The following SLC38A2 variants were observed in gnomAD, a reference collection of about 807,000 sequenced individuals.
SLC38A2 encodes solute carrier family 38 member 2, also known as sodium-coupled neutral amino acid symporter 2.
Under a neutral mutation model 61.5 loss-of-function variants are expected in SLC38A2, and 11 were observed. The observed-to-expected ratio is 0.18, with a 90% CI of 0.11 to 0.30. The LOEUF (loss-of-function observed/expected upper bound fraction) is 0.30, where lower values mean the gene tolerates loss of function less well. SLC38A2 is among the 10% of genes least tolerant of loss of function. SLC38A2 has a pLI of 1.00. For missense variants in SLC38A2, 522 were observed against 600.4 expected (o/e 0.87, Z 1.36); for synonymous variants, 217 against 212.5 (o/e 1.02, Z -0.18).
At chr12:46,365,241 T>C (rs765962613) in intron 7 of SLC38A2, 52 bp from the exon 8 acceptor site, 3 of 1,337,700 alleles carry the variant, frequency 2.2e-6, no homozygotes, top group Non-Finnish European at 3.2e-6. Flanking sequence ...CTCTGAAAAA[T>C]ATACACATCT....
chr12:46,362,301 A>T lies in SLC38A2; in HGVS notation c.1405T>A (p.Ser469Thr). 6.2e-7 allele frequency: 1 copy of T among 1,610,656 alleles called. No individual in the cohort carries two copies. Among genetic ancestry groups the T allele is most frequent in the Non-Finnish European group, 8.5e-7 (1 of 1,178,472 alleles). ...TCACTCACCCCAATCTTTTGTACAG[A>T]TTTCATAGGTTCTTTCTTCACCAAC... ...IKLVKKEPMK[S>T]VQKIGALFFL... The change falls in exon 15 of 16, where the codon TCT becomes ACT. Residue 469 changes from serine to threonine, a missense_variant. Ser to Thr is a moderately conservative substitution (Grantham distance 58). Around this residue, in one of 3 missense-constraint regions of SLC38A2, gnomAD observed 309 missense variants for 343.9 expected, o/e 0.90. Transcript: ENST00000256689.
At position 46,372,682 on chromosome 12, in the gene SLC38A2, A is replaced by G; in HGVS notation, c.-260T>C. 2.5e-6 allele frequency: 1 copy of G among 398,542 alleles called. No individual in the cohort carries two copies. The highest frequency in any genetic ancestry group is 3.6e-5 in the East Asian group (1 of 28,074). 24.7% of individuals were successfully genotyped at this position (398,542 alleles called of 1,614,324 possible). ...CCAATCCTCCGGCGTCCGCCGTGTC[A>G]AGGGAAAGGCGCGAGCGTGCGGTAA... On this transcript the variant is annotated 5_prime_UTR_variant, in exon 1 of 16. Coordinates refer to ENST00000256689, the MANE Select transcript of SLC38A2 (RefSeq NM_018976.5).
chr12:46,358,750 T>C lies in SLC38A2; in HGVS notation c.*2361A>G, dbSNP rs561857721. 1 of 152,652 alleles carries C rather than the reference T, an allele frequency of 6.6e-6. No homozygotes were observed. The highest frequency in any genetic ancestry group is 2.4e-5 in the African/African-American group (1 of 41,564). 9.5% of individuals were successfully genotyped at this position (152,652 alleles called of 1,614,324 possible). On this transcript the variant is annotated 3_prime_UTR_variant, in exon 16 of 16. Coordinates refer to ENST00000256689, the MANE Select transcript of SLC38A2 (RefSeq NM_018976.5). Reference sequence around the variant, plus strand: ...GACAATATATGTACATAGATTATCATAAATATTGAAAAATAGGTTAGCTTT... The same window carrying C: ...GACAATATATGTACATAGATTATCACAAATATTGAAAAATAGGTTAGCTTT...
At position 46,366,922 on chromosome 12, in the gene SLC38A2, C is replaced by T. The variant is rs758389239; in HGVS notation, c.505G>A (p.Val169Met). 2.5e-6 allele frequency: 4 copies of T among 1,613,734 alleles called. No individual in the cohort carries two copies. Residue 169 changes from valine to methionine, a missense_variant, in exon 7 of 16, where the codon GTG becomes ATG. Physicochemically the swap from Val to Met is conservative, Grantham distance 21. Coordinates refer to ENST00000256689, the MANE Select transcript of SLC38A2 (RefSeq NM_018976.5). ...ATCACCAAAGGCAACTCATATTTCA[C>T]TATGAAGAGGTAGCTTGACATAGCT... ...IGAMSSYLFIVKYELPLVIQA... is the reference protein window; with the variant it reads ...IGAMSSYLFIMKYELPLVIQA...
chr12:46,371,592 G>A (rs962397229), intron 1 of SLC38A2: 1 of 359,520 alleles, frequency 2.8e-6, no homozygotes, highest in Non-Finnish European at 5.0e-6. Context: ...CTGTGTTGCG[G>A]CCGTCGAGGC....
chr12:46,370,381 T>C, intron 4 of SLC38A2, 131 bp downstream of exon 4: 1 of 681,568 alleles, frequency 1.5e-6, no homozygotes. Context: ...TTGGGGTTTC[T>C]CATACTTTTA....
chr12:46,365,291 A>G, intron 7 of SLC38A2, 102 bp from the exon 8 acceptor site: 1 of 948,412 alleles, frequency 1.1e-6, no homozygotes, highest in Non-Finnish European at 1.7e-6. Context: ...ATGAAAACAA[A>G]CACACAAAAA....
intron 7 of SLC38A2, among the ~76,000 whole-genome samples, chr12:46,365,801 A>G (rs547332028): frequency 6.6e-6 from 1 of 152,244 alleles, no homozygotes; most frequent in South Asian, 2.1e-4. Flanking sequence ...AACTCCAAAG[A>G]CAGCCAAAAA....
chr12:46,371,246 G>C lies in SLC38A2; in HGVS notation c.48C>G (p.Asp16Glu), dbSNP rs751837440. ...CGCTGTTGGAACTGTAGCTGCTGCT[G>C]TCTTCATCCGGGGAAATACTGAATC... is the stretch of plus-strand genomic sequence containing the variant. The part of the protein sequence containing the change: ...MGRFSISPDE[D>E]SSSYSSNSDF... The change falls in exon 2 of 16, where the codon GAC becomes GAG. Residue 16 changes from aspartate (D) to glutamate (E), a missense_variant. Physicochemically the swap from Asp to Glu is conservative, Grantham distance 45 (BLOSUM62 2). Transcript: ENST00000256689. 2.5e-6 allele frequency: 4 copies of C among 1,614,238 alleles called. No homozygotes were observed. The highest frequency in any genetic ancestry group is 2.5e-6 in the Non-Finnish European group (3 of 1,180,036).
intron 15 of SLC38A2, 168 bp downstream of exon 15, chr12:46,362,116 C>A (rs1190474612): frequency 7.0e-5 from 39 of 559,342 alleles, no homozygotes; most frequent in Non-Finnish European, 3.7e-5. Context: ...AACTATCTTT[C>A]CCCTTCCCTC....
chr12:46,364,489 T>C lies in SLC38A2; in HGVS notation c.773A>G (p.Asn258Ser). 1 of 1,612,798 alleles carries C rather than the reference T, an allele frequency of 6.2e-7. No homozygotes were observed. The highest frequency in any genetic ancestry group is 1.7e-5 in the Admixed American group (1 of 59,846). ...EAALIINETI[N>S]TTLTQPTALV... ...AGCTGTTGGCTGTGTTAAGGTGGTG[T>C]TTATTGTTTCGTTAATTATCAAAGC... The change falls in exon 10 of 16, where the codon AAC becomes AGC. Residue 258 changes from asparagine (N) to serine (S), a missense_variant. Asn to Ser is a conservative substitution (Grantham distance 46). Around this residue, in one of 3 missense-constraint regions of SLC38A2, gnomAD observed 309 missense variants for 343.9 expected, o/e 0.90. Coordinates refer to ENST00000256689, the MANE Select transcript of SLC38A2 (RefSeq NM_018976.5).
rs1279049674 is a variant in SLC38A2, at chr12:46,371,225, G to C, written c.69C>G (p.Asn23Lys). The C allele has an allele frequency of 1.9e-6, 3 of 1,614,246 alleles. No individual in the cohort carries two copies. Among genetic ancestry groups the C allele is most frequent in the East Asian group, 4.5e-5 (2 of 44,886 alleles). Residue 23 changes from asparagine to lysine, a missense_variant, in exon 2 of 16, where the codon AAC (asparagine) becomes AAG (lysine). Transcript: ENST00000256689. ...TGGGGTAGGAGTAGTTGAAGTCGCT[G>C]TTGGAACTGTAGCTGCTGCTGTCTT... ...PDEDSSSYSSNSDFNYSYPTK... is the reference protein window; with the variant it reads ...PDEDSSSYSSKSDFNYSYPTK...
chr12:46,370,768 T>A lies in SLC38A2; in HGVS notation c.198+8A>T. ...CCACTGACAGACAAATTACTATTTT[T>A]AACTTACAAATTCTGTTTCATACTT... On this transcript the variant is annotated splice_region_variant and intron_variant, in intron 3 of 15. Transcript: ENST00000256689. 2 of 1,605,868 alleles carry A rather than the reference T, an allele frequency of 1.2e-6. No individual in the cohort carries two copies. Among genetic ancestry groups the A allele is most frequent in the Non-Finnish European group, 1.7e-6 (2 of 1,174,716 alleles).
At chr12:46,372,255 C>A (rs930812232) in intron 1 of SLC38A2, 1 of 162,066 alleles carries the variant, frequency 6.2e-6, no homozygotes, top group Non-Finnish European at 1.3e-5. Context: ...TCCCCTCCCC[C>A]TAATGGGAAG....
In SLC38A2 at chr12:46,359,171, G is replaced by C. The variant is rs184161935; in HGVS notation, c.*1940C>G. ...GATACAAAGTCAGCAACTCTTTCCA[G>C]GAGCTCATGCAAATTTGCCAATTCT... On this transcript the variant is annotated 3_prime_UTR_variant, in exon 16 of 16. Coordinates refer to ENST00000256689, the MANE Select transcript of SLC38A2 (RefSeq NM_018976.5). 37 of 152,470 alleles carry C rather than the reference G, an allele frequency of 2.4e-4. No individual in the cohort carries two copies. The highest frequency in any genetic ancestry group is 9.8e-4 in the Admixed American group (15 of 15,270). 9.4% of individuals were successfully genotyped at this position (152,470 alleles called of 1,614,324 possible).
chr12:46,360,056 C>T lies in SLC38A2; in HGVS notation c.*1055G>A, dbSNP rs770085819. 3 of 152,606 alleles carry T rather than the reference C, an allele frequency of 2.0e-5. No homozygotes were observed. The highest frequency in any genetic ancestry group is 7.2e-5 in the African/African-American group (3 of 41,446). 9.5% of individuals were successfully genotyped at this position (152,606 alleles called of 1,614,324 possible). A position where few individuals can be genotyped will look rare whatever the true frequency, so the allele number is the denominator to read the frequency against. Reference sequence around the variant, plus strand: ...TAGGTGAGCATTTTGAAAAAGTGTACTCTCTGGACACAATAATTTTGGCCT... The same window carrying T: ...TAGGTGAGCATTTTGAAAAAGTGTATTCTCTGGACACAATAATTTTGGCCT... On this transcript the variant is annotated 3_prime_UTR_variant, in exon 16 of 16. Transcript: ENST00000256689.
intron 1 of SLC38A2, 81 bp from the exon 2 acceptor site, chr12:46,371,460 G>C (rs1034553298): frequency 2.0e-5 from 12 of 604,534 alleles, no homozygotes; most frequent in Non-Finnish European, 3.2e-5. Flanking sequence ...GCGCAGCGCG[G>C]CTGATTCATC....
rs756851045 is a variant in SLC38A2 at position 46,370,633 on chromosome 12, T to C, written c.199-6A>G. 5 of 1,606,002 alleles carry C rather than the reference T, an allele frequency of 3.1e-6. No homozygotes were observed. In the East Asian group the frequency reaches 8.9e-5, roughly 29 times the overall value. ...AAGGAAGTAGTACCTGGATGCTACA[T>C]AGAGGGAAAACGATAACCAAACATA... is the stretch of plus-strand genomic sequence containing the variant. On this transcript the variant is annotated splice_region_variant and splice_polypyrimidine_tract_variant and intron_variant, in intron 3 of 15. Transcript: ENST00000256689.
At chr12:46,371,922 G>C (rs1943207373) in intron 1 of SLC38A2, among the ~76,000 whole-genome samples, 1 of 152,196 alleles carries the variant, frequency 6.6e-6, no homozygotes, top group Non-Finnish European at 1.5e-5. Flanking sequence ...CGAGGGGGGC[G>C]AACGCCCGGG....
Sources: allele counts gnomAD v4.1 joint callset (sites outside exome capture counted in the v4.1 genomes callset), GRCh38; gene constraint gnomAD v4.1.1; regional missense constraint gnomAD v4.1.1; transcripts MANE v1.5; gene names NCBI Gene and HGNC (gene_info 2026-07-23, HGNC 2026-07-21).